Variants in ENTPD1 observed in about 807,000 individuals in gnomAD.
ENTPD1 encodes ATP diphosphohydrolase.
In ENTPD1, 33 loss-of-function variants were observed where a neutral mutation model predicts 57.0. The observed-to-expected ratio is 0.58, with a 90% CI of 0.44 to 0.77. The LOEUF is 0.77. ENTPD1 is among the 30% of genes least tolerant of loss of function. The pLI is 0.00. For missense variants in ENTPD1, 501 were observed against 603.4 expected, an observed-to-expected ratio of 0.83 and a Z score of 1.78; for synonymous variants, 202 against 218.8, an observed-to-expected ratio of 0.92 and a Z score of 0.68.
intron 7 of ENTPD1, among the ~76,000 whole-genome samples, chr10:95,859,898 T>C (rs1208221833): frequency 1.3e-5 from 2 of 152,202 alleles, no homozygotes; most frequent in Admixed American, 6.5e-5. Context: ...ATAGTTCTTA[T>C]GTTTGATGAT....
chr10:95,771,364 C>T (rs1457736368), intron 1 of ENTPD1, among the ~76,000 whole-genome samples: 2 of 152,158 alleles, frequency 1.3e-5, no homozygotes, highest in African/African-American at 2.4e-5. Flanking sequence ...ACATCTTTGA[C>T]AGTTTCTTTA....
intron 6 of ENTPD1, 54 bp from the exon 7 acceptor site, chr10:95,847,392 C>G (rs899780260): frequency 6.2e-7 from 1 of 1,609,668 alleles, no homozygotes; most frequent in African/African-American, 1.3e-5. Flanking sequence ...CAGACTGTAC[C>G]TTTTGTATCC....
intron 1 of ENTPD1, among the ~76,000 whole-genome samples, chr10:95,803,549 G>T (rs1187697106): frequency 6.6e-6 from 1 of 152,046 alleles, no homozygotes; most frequent in Non-Finnish European, 1.5e-5. Flanking sequence ...ACTTTTTGAT[G>T]GGGTTGTTTT....
In ENTPD1 at chr10:95,871,794, G is replaced by C; in HGVS notation, c.*5411G>C. On this transcript the variant is annotated 3_prime_UTR_variant, in exon 10 of 10. Coordinates refer to ENST00000371205, the MANE Select transcript of ENTPD1 (RefSeq NM_001776.6). ...TTTATAACCCCTTTGCATGTATGTT[G>C]AATAGCAAAGTTCATCAGAGAACAT... 1.0e-6 allele frequency: 1 copy of C among 985,388 alleles called. No individual in the cohort carries two copies. The highest frequency in any genetic ancestry group is 1.2e-6 in the Non-Finnish European group (1 of 829,918). 61.0% of individuals were successfully genotyped at this position (985,388 alleles called of 1,614,324 possible). A position where few individuals can be genotyped will look rare whatever the true frequency, so the allele number is the denominator to read the frequency against.
rs1280424137 is a variant in ENTPD1 at position 95,869,205 on chromosome 10, C to T, written c.*2822C>T. The T allele has an allele frequency of 7.3e-6, 7 of 961,536 alleles. No homozygotes were observed. Among genetic ancestry groups the T allele is most frequent in the Non-Finnish European group, 8.6e-6 (7 of 811,944 alleles). The allele number at this position is 961,536 out of a possible 1,614,324, so 59.6% of individuals were successfully genotyped here. A position where few individuals can be genotyped will look rare whatever the true frequency, so the allele number is the denominator to read the frequency against. Reference sequence around the variant, plus strand: ...AAGGTGGGAGTTTTTTTTCTATGAACCTATAGGGGAGAAAAAAGATCAGCA... The same window carrying T: ...AAGGTGGGAGTTTTTTTTCTATGAATCTATAGGGGAGAAAAAAGATCAGCA... On this transcript the variant is annotated 3_prime_UTR_variant, in exon 10 of 10. Coordinates refer to ENST00000371205, the MANE Select transcript of ENTPD1 (RefSeq NM_001776.6).
At chr10:95,735,590 ATTTG>A (rs1216291054) in intron 1 of ENTPD1, among the ~76,000 whole-genome samples, 9 of 152,276 alleles carry the variant, frequency 5.9e-5, no homozygotes, top group South Asian at 2.1e-4. Context: ...TTATTTATTT[ATTTG>A]TTTGTTTGTT....
intron 2 of ENTPD1, chr10:95,833,826 G>C (rs2098403089): frequency 6.5e-6 from 1 of 152,800 alleles, no homozygotes; most frequent in Non-Finnish European, 1.5e-5. Context: ...AGGGAGGAAT[G>C]CTGTTCCTCA....
chr10:95,876,001 C>T lies in ENTPD1; in HGVS notation c.*9618C>T, dbSNP rs994304897. The T allele has an allele frequency of 4.1e-6, 4 of 985,226 alleles. No homozygotes were observed. Among genetic ancestry groups the T allele is most frequent in the Admixed American group, 6.2e-5 (1 of 16,254 alleles). 61.0% of individuals were successfully genotyped at this position (985,226 alleles called of 1,614,324 possible). ...TACTTTAACCAGCTGAATGGAAGTA[C>T]AATCTCTTGCTATATGACACAATAA... On this transcript the variant is annotated 3_prime_UTR_variant, in exon 10 of 10. Coordinates refer to ENST00000371205, the MANE Select transcript of ENTPD1 (RefSeq NM_001776.6).
chr10:95,798,298 G>A (rs1293466258), intron 1 of ENTPD1, among the ~76,000 whole-genome samples: 1 of 152,090 alleles, frequency 6.6e-6, no homozygotes, highest in Admixed American at 6.5e-5. Flanking sequence ...CAGCAAGTAG[G>A]GAGGTGGAGT....
intron 1 of ENTPD1, among the ~76,000 whole-genome samples, chr10:95,820,628 C>A (rs147660279): frequency 6.6e-6 from 1 of 152,326 alleles, no homozygotes; most frequent in African/African-American, 2.4e-5. Context: ...ATGTCACCTT[C>A]AAGGTCTCGG....
upstream of ENTPD1, chr10:95,755,690 T>G (rs1187324892): frequency 2.6e-6 from 4 of 1,537,196 alleles, no homozygotes; most frequent in East Asian, 9.8e-5. Context: ...GAGAAAGGAT[T>G]GCTGGTCATG....
intron 1 of ENTPD1, among the ~76,000 whole-genome samples, chr10:95,802,201 G>C (rs1413275073): frequency 2.0e-5 from 3 of 152,144 alleles, no homozygotes; most frequent in Non-Finnish European, 2.9e-5. Flanking sequence ...GGGCTACCAG[G>C]CTATAGGTAA....
rs1458924818 is a variant in ENTPD1, at chr10:95,870,988, T to A, written c.*4605T>A. 1 of 985,300 alleles carries A rather than the reference T, an allele frequency of 1.0e-6. No homozygotes were observed. The highest frequency in any genetic ancestry group is 1.2e-6 in the Non-Finnish European group (1 of 829,942). 61.0% of individuals were successfully genotyped at this position (985,300 alleles called of 1,614,324 possible). ...CTCCTTGTCCAGTGGTTTCTAGGGA[T>A]ATGTTCTCATGATGAACCCCGCAGA... is the stretch of plus-strand genomic sequence containing the variant. On this transcript the variant is annotated 3_prime_UTR_variant, in exon 10 of 10. Transcript: ENST00000371205.
At chr10:95,760,974 C>A (rs1211303114) in intron 1 of ENTPD1, among the ~76,000 whole-genome samples, 2 of 151,724 alleles carry the variant, frequency 1.3e-5, no homozygotes, top group African/African-American at 4.8e-5. Context: ...GGACTACAGG[C>A]GCCTGCCACT....
intron 1 of ENTPD1, among the ~76,000 whole-genome samples, chr10:95,805,855 G>T (rs2098269975): frequency 6.6e-6 from 1 of 152,226 alleles, no homozygotes; most frequent in Admixed American, 6.5e-5. Context: ...TCTGCCCAGA[G>T]ATCCGCTGTA....
At chr10:95,724,531 G>A (rs1177014851) in intron 1 of ENTPD1, among the ~76,000 whole-genome samples, 2 of 152,166 alleles carry the variant, frequency 1.3e-5, no homozygotes, top group African/African-American at 4.8e-5. Flanking sequence ...TAGAAGCCGT[G>A]GGTCATGGAA....
At chr10:95,736,737 A>T (rs957109700) in intron 1 of ENTPD1, among the ~76,000 whole-genome samples, 1 of 152,256 alleles carries the variant, frequency 6.6e-6, no homozygotes, top group African/African-American at 2.4e-5. Context: ...AATGTGCTTC[A>T]TTTATGCACA....
chr10:95,875,019 G>T lies in ENTPD1; in HGVS notation c.*8636G>T, dbSNP rs2098484343. ...CCTCCTGGGCCTCTGGGCCTGTGAT[G>T]GGAGGGGCTGCCATGAAGGTCTCTG... On this transcript the variant is annotated 3_prime_UTR_variant, in exon 10 of 10. Transcript: ENST00000371205. 1 of 152,232 alleles carries T rather than the reference G, an allele frequency of 6.6e-6. No homozygotes were observed. The highest frequency in any genetic ancestry group is 2.4e-5 in the African/African-American group (1 of 41,448). 9.4% of individuals were successfully genotyped at this position (152,232 alleles called of 1,614,324 possible). A position where few individuals can be genotyped will look rare whatever the true frequency, so the allele number is the denominator to read the frequency against.
At chr10:95,737,806 A>C (rs4336961) in intron 1 of ENTPD1, among the ~76,000 whole-genome samples, 82,049 of 152,108 alleles carry the variant, frequency 0.54, 22,558 homozygotes, top group Admixed American at 0.63. Flanking sequence ...TTTGCTCTAA[A>C]TTGCAATGAC....
Sources: gnomAD v4.1 joint callset for allele counts (sites outside exome capture counted in the v4.1 genomes callset) on GRCh38, gnomAD v4.1.1 for gene constraint, MANE v1.5 for transcripts, NCBI Gene and HGNC (gene_info 2026-07-23, HGNC 2026-07-21) for gene names.